KCNU1: variants seen among roughly 807,000 people sequenced by gnomAD.
KCNU1 encodes the protein potassium calcium-activated channel subfamily U member 1, also known as potassium channel subfamily U member 1.
Under a neutral mutation model 126.8 loss-of-function variants are expected in KCNU1, and 93 were observed. The observed-to-expected ratio is 0.73, with a 90% confidence interval of 0.62 to 0.87. The LOEUF is 0.87. KCNU1 is among the 40% of genes least tolerant of loss of function. KCNU1 has a pLI of 0.00. For missense variants in KCNU1, 1,330 were observed against 1,367.1 expected, an observed-to-expected ratio of 0.97 and a Z score of 0.43; for synonymous variants, 523 against 494.2, an observed-to-expected ratio of 1.06 and a Z score of -0.77.
chr8:36,931,643 A>G (rs539348228), intron 25 of KCNU1, among the ~76,000 whole-genome samples: 26 of 152,232 alleles, frequency 1.7e-4, no homozygotes, highest in African/African-American at 5.3e-4. Flanking sequence ...CCACATTGTC[A>G]ATCAGTGTCA....
At chr8:36,789,187 C>A (rs1392247188) in intron 2 of KCNU1, among the ~76,000 whole-genome samples, 1 of 152,030 alleles carries the variant, frequency 6.6e-6, no homozygotes, top group African/African-American at 2.4e-5. Flanking sequence ...AAGACCTCAC[C>A]TCTACAAATA....
At chr8:36,840,714 G>A (rs747378815) in intron 15 of KCNU1, 139 bp downstream of exon 15, 19 of 687,990 alleles carry the variant, frequency 2.8e-5, no homozygotes, top group Non-Finnish European at 4.5e-5. Context: ...CTGAAACTTA[G>A]AAGTTTACAG....
chr8:36,849,389 G>A (rs557710504), intron 18 of KCNU1, among the ~76,000 whole-genome samples: 11 of 152,140 alleles, frequency 7.2e-5, no homozygotes, highest in Admixed American at 6.6e-5. Flanking sequence ...AGGAGTTTGA[G>A]ACCAGCCTGG....
rs1804931139 is a variant in KCNU1, at chr8:36,840,997, G to T, written c.1697G>T (p.Gly566Val). The T allele has an allele frequency of 6.5e-7, 1 of 1,526,810 alleles. No homozygotes were observed. The highest frequency in any genetic ancestry group is 1.7e-5 in the Admixed American group (1 of 59,050). 94.6% of individuals were successfully genotyped at this position (1,526,810 alleles called of 1,614,324 possible). Residue 566 changes from glycine (G) to valine (V), a missense_variant, in exon 16 of 27, where the codon GGT (glycine) becomes GTT (valine). By Grantham distance (109) the Gly-to-Val change is moderately radical. Around this residue, in one of 3 missense-constraint regions of KCNU1, gnomAD observed 1,054 missense variants for 1,053.9 expected, o/e 1.00. Transcript: ENST00000399881. ...GAATACAAGTCCCTCTTTACGGATG[G>T]TTTCTGGTACCAATAAGTCTGCTCA... The part of the protein sequence containing the change: ...AIEYKSLFTD[G>V]FCGLILNPPP...
intron 19 of KCNU1, among the ~76,000 whole-genome samples, chr8:36,896,960 A>G (rs1211198642): frequency 6.6e-6 from 1 of 151,944 alleles, no homozygotes; most frequent in Non-Finnish European, 1.5e-5. Flanking sequence ...ACAGTACACA[A>G]TTTTTCATCT....
chr8:36,845,010 C>T (rs1335811533), intron 16 of KCNU1, among the ~76,000 whole-genome samples: 1 of 152,088 alleles, frequency 6.6e-6, no homozygotes, highest in African/African-American at 2.4e-5. Context: ...TCAAAAGGTT[C>T]AAGTAAGATA....
At chr8:36,880,058 A>G (rs573216960) in intron 19 of KCNU1, among the ~76,000 whole-genome samples, 2 of 152,292 alleles carry the variant, frequency 1.3e-5, no homozygotes, top group East Asian at 3.9e-4. Flanking sequence ...GGTCATTGGT[A>G]TTTTTGGAGC....
chr8:36,915,751 T>G (rs1372499350), intron 22 of KCNU1, among the ~76,000 whole-genome samples: 1 of 152,186 alleles, frequency 6.6e-6, no homozygotes, highest in African/African-American at 2.4e-5. Context: ...AAGCCCCCCT[T>G]TGGGACCTTA....
At chr8:36,805,968 T>A (rs975593554) in intron 4 of KCNU1, among the ~76,000 whole-genome samples, 5 of 152,152 alleles carry the variant, frequency 3.3e-5, no homozygotes, top group Admixed American at 6.5e-5. Flanking sequence ...TTCGGCCTCC[T>A]GGGTAGCTGG....
At chr8:36,805,830 G>T (rs1176741731) in intron 4 of KCNU1, among the ~76,000 whole-genome samples, 1 of 151,874 alleles carries the variant, frequency 6.6e-6, no homozygotes, top group Non-Finnish European at 1.5e-5. Context: ...GTATATATAG[G>T]CATGCTATAT....
intron 2 of KCNU1, among the ~76,000 whole-genome samples, chr8:36,799,350 T>A (rs1357476538): frequency 2.0e-5 from 3 of 152,118 alleles, no homozygotes; most frequent in Non-Finnish European, 4.4e-5. Context: ...CTTCTTTCAA[T>A]GTTTCCTCCC....
intron 2 of KCNU1, among the ~76,000 whole-genome samples, chr8:36,798,211 CT>C (rs1190347262): frequency 6.6e-6 from 1 of 152,110 alleles, no homozygotes; most frequent in Non-Finnish European, 1.5e-5. Flanking sequence ...GGACTAAGCT[CT>C]GATTATTTTA....
In KCNU1 at chr8:36,864,439, G is replaced by A. The variant is rs768750735; in HGVS notation, c.1927G>A (p.Gly643Arg). Residue 643 changes from glycine to arginine, a missense_variant, in exon 19 of 27, where the codon GGA (glycine) becomes AGA (arginine). Physicochemically the swap from Gly to Arg is moderately radical, Grantham distance 125. This residue lies in a region of KCNU1 where 1,054 missense variants were observed against 1,053.9 expected (regional missense o/e 1.00). Coordinates refer to ENST00000399881, the MANE Select transcript of KCNU1 (RefSeq NM_001031836.3). ...AAAGAGAATGAAAAAATGTCTGAAG[G>A]GAATCTCCTCTCGTATATCAGGGCA... ...SVKRMKKCLK[G>R]ISSRISGQDS... The A allele has an allele frequency of 1.7e-5, 28 of 1,612,068 alleles. No individual in the cohort carries two copies. Among genetic ancestry groups the A allele is most frequent in the Non-Finnish European group, 2.2e-5 (26 of 1,178,450 alleles).
chr8:36,791,507 A>G (rs917482509), intron 2 of KCNU1, among the ~76,000 whole-genome samples: 3 of 151,852 alleles, frequency 2.0e-5, no homozygotes, highest in African/African-American at 7.3e-5. Context: ...GTGTTTTTGT[A>G]TTCTGCCTTA....
intron 23 of KCNU1, among the ~76,000 whole-genome samples, chr8:36,921,182 C>A (rs1808330476): frequency 6.6e-6 from 1 of 152,158 alleles, no homozygotes; most frequent in Admixed American, 6.5e-5. Flanking sequence ...GCAATAACAG[C>A]AGCCACAGTA....
rs79715726 is a variant in KCNU1 at position 36,802,564 on chromosome 8, T to G, written c.316-1463T>G. Among the ~76,000 whole-genome samples, 649 of 152,172 alleles carry G rather than the reference T, an allele frequency of 4.3e-3. 8 individuals carry two copies. Among genetic ancestry groups the G allele is most frequent in the African/African-American group, 0.015 (616 of 41,504 alleles). On this transcript the variant is annotated intron_variant, in intron 2 of 26. Coordinates refer to ENST00000399881, the MANE Select transcript of KCNU1 (RefSeq NM_001031836.3). The stretch of plus-strand genomic sequence containing the variant: ...GGAGAGACTTCTATAACCAGCTGAA[T>G]GGGGAATCTGGGAGGATAATAGTTC...
intron 24 of KCNU1, among the ~76,000 whole-genome samples, chr8:36,924,989 C>T (rs546077698): frequency 6.6e-6 from 1 of 152,276 alleles, no homozygotes; most frequent in African/African-American, 2.4e-5. Context: ...AACACACAAT[C>T]ACAAGCCAGT....
At position 36,859,520 on chromosome 8, in the gene KCNU1, A is replaced by G. The variant is rs148641445; in HGVS notation, c.1892-4884A>G. Among the ~76,000 whole-genome samples the G allele has an allele frequency of 4.6e-3, 698 of 152,258 alleles. 8 individuals carry two copies. The highest frequency in any genetic ancestry group is 0.016 in the African/African-American group (660 of 41,558). ...CACTGATTACTGTGGTTGGCGAAAA[A>G]CATGTTAGCTTTTGGGTTCTCAGTG... On this transcript the variant is annotated intron_variant, in intron 18 of 26. Coordinates refer to ENST00000399881, the MANE Select transcript of KCNU1 (RefSeq NM_001031836.3).
chr8:36,872,439 A>G (rs765202761), intron 19 of KCNU1, among the ~76,000 whole-genome samples: 3 of 152,126 alleles, frequency 2.0e-5, no homozygotes, highest in Non-Finnish European at 4.4e-5. Context: ...CCGCCCTGTA[A>G]CTATGGTGGG....
Sources: allele counts gnomAD v4.1 joint callset (sites outside exome capture counted in the v4.1 genomes callset), GRCh38; gene constraint gnomAD v4.1.1; regional missense constraint gnomAD v4.1.1; transcripts MANE v1.5; gene names NCBI Gene and HGNC (gene_info 2026-07-23, HGNC 2026-07-21).